The following SRP72 variants were observed in gnomAD, a reference collection of about 807,000 sequenced individuals.
SRP72 encodes signal recognition particle subunit SRP72.
A neutral mutation model predicts 96.3 loss-of-function variants in SRP72; 49 were observed. The observed-to-expected ratio is 0.51, with a 90% CI of 0.40 to 0.65. The LOEUF is 0.65. Ranked by LOEUF, SRP72 falls within the 30% of genes least tolerant of loss-of-function variation. The pLI, the probability that SRP72 is intolerant of heterozygous loss-of-function variation, is 0.00. For missense variants in SRP72, 736 were observed against 793.3 expected (o/e 0.93, Z 0.87); for synonymous variants, 267 against 275.2 (o/e 0.97, Z 0.30).
intron 8 of SRP72, among the ~76,000 whole-genome samples, chr4:56,479,082 C>T (rs564406983): frequency 1.3e-5 from 2 of 152,178 alleles, no homozygotes; most frequent in South Asian, 4.2e-4. Flanking sequence ...TCTTCTCCCC[C>T]ACACCCCATC....
At position 56,502,085 on chromosome 4, in the gene SRP72, AT is replaced by A. The variant is rs769261539; in HGVS notation, c.*226del. The A allele has an allele frequency of 7.8e-6, 4 of 512,730 alleles. No individual in the cohort carries two copies. Among genetic ancestry groups the A allele is most frequent in the Non-Finnish European group, 1.4e-5 (4 of 280,036 alleles). 31.8% of individuals were successfully genotyped at this position (512,730 alleles called of 1,614,324 possible). A position where few individuals can be genotyped will look rare whatever the true frequency, so the allele number is the denominator to read the frequency against. On this transcript the variant is annotated 3_prime_UTR_variant, in exon 19 of 19. Transcript: ENST00000642900. Reference sequence around the variant, plus strand: ...GTACAGATTATGAGGACTGAAAATAATTGGGCATTTACCCATCTTGGTATCT... The same window carrying A: ...GTACAGATTATGAGGACTGAAAATAATGGGCATTTACCCATCTTGGTATCT...
chr4:56,474,499 G>C (rs776246794), intron 5 of SRP72, 108 bp downstream of exon 5: 16 of 931,868 alleles, frequency 1.7e-5, no homozygotes, highest in Non-Finnish European at 2.4e-5. Context: ...GGAAGTTATT[G>C]ATGCAGTGAC....
At chr4:56,481,806 C>T (rs1379870865) in intron 8 of SRP72, among the ~76,000 whole-genome samples, 2 of 139,434 alleles carry the variant, frequency 1.4e-5, no homozygotes, top group African/African-American at 2.7e-5. Context: ...GAGTCTCGCT[C>T]TCTTGCCCAG....
At chr4:56,487,186 AAAT>A (rs760260958) in intron 11 of SRP72, among the ~76,000 whole-genome samples, 58 of 152,276 alleles carry the variant, frequency 3.8e-4, no homozygotes, top group Admixed American at 7.8e-4. Flanking sequence ...CAAAAATCTT[AAAT>A]ATTACAGTGG....
At position 56,495,327 on chromosome 4, in the gene SRP72, G is replaced by T. The variant is rs752158567; in HGVS notation, c.1641-30G>T. 2.1e-6 allele frequency: 3 copies of T among 1,430,672 alleles called. No homozygotes were observed. The African/African-American group carries it at 4.3e-5, about 20-fold the overall frequency. The allele number at this position is 1,430,672 out of a possible 1,614,324, so 88.6% of individuals were successfully genotyped here. The stretch of plus-strand genomic sequence containing the variant: ...TGCTCTATAAATATTTTATCACAAA[G>T]ATGGTAATGATTTTTTTTTCTCTTT... On this transcript the variant is annotated intron_variant, in intron 16 of 18. Transcript: ENST00000642900.
chr4:56,469,935 G>A (rs1470961410), intron 2 of SRP72, among the ~76,000 whole-genome samples, 162 bp downstream of exon 2: 1 of 147,846 alleles, frequency 6.8e-6, no homozygotes, highest in Non-Finnish European at 1.5e-5. Flanking sequence ...GAACTGGAAG[G>A]AATACTAGTA....
At chr4:56,478,543 G>A (rs550705919) in intron 7 of SRP72, 40 bp downstream of exon 7, 19 of 1,612,652 alleles carry the variant, frequency 1.2e-5, no homozygotes, top group Non-Finnish European at 1.5e-5. Flanking sequence ...AGGGGATGGG[G>A]TTCTTTTTAA....
rs1721301326 is a variant in SRP72 at position 56,502,497 on chromosome 4, ATATATATATATAT to A, written c.*637_*649del. 1 of 57,362 alleles carries A rather than the reference ATATATATATATAT, an allele frequency of 1.7e-5. No individual in the cohort carries two copies. The highest frequency in any genetic ancestry group is 8.1e-5 in the African/African-American group (1 of 12,316). The allele number at this position is 57,362 out of a possible 1,614,324, so 3.6% of individuals were successfully genotyped here. A position where few individuals can be genotyped will look rare whatever the true frequency, so the allele number is the denominator to read the frequency against. Reference sequence around the variant, plus strand: ...TATATATATATGTATATATATATACATATATATATATATATAAACATGAAATATATATATATGG... The same window carrying A: ...TATATATATATGTATATATATATACAATAAACATGAAATATATATATATGG... On this transcript the variant is annotated 3_prime_UTR_variant, in exon 19 of 19. Transcript: ENST00000642900.
Position 56,486,153 on chromosome 4 carries a change from A to G in SRP72, c.1087-172A>G, listed in dbSNP as rs17086853. 0.2 allele frequency: 104,621 copies of G among 512,212 alleles called. 11,773 individuals are homozygous for G. Among genetic ancestry groups the G allele is most frequent in the Admixed American group, 0.38 (10,513 of 28,022 alleles). 31.7% of individuals were successfully genotyped at this position (512,212 alleles called of 1,614,324 possible). ...TTACTTTTAGAGCATACCTTTAAGA[A>G]AAAAAGTGAGTGTTGAATAAAAATT... is the stretch of plus-strand genomic sequence containing the variant. On this transcript the variant is annotated intron_variant, in intron 10 of 18. Coordinates refer to ENST00000642900, the MANE Select transcript of SRP72 (RefSeq NM_006947.4).
rs757387984 is a variant in SRP72, at chr4:56,501,661, C to G, written c.1839-23C>G. On this transcript the variant is annotated intron_variant, in intron 18 of 18. Coordinates refer to ENST00000642900, the MANE Select transcript of SRP72 (RefSeq NM_006947.4). ...TTCCTTCGTTGAATATATGAGTGAC[C>G]AAAAATGATCTGATGATTTCAGGGA... is the stretch of plus-strand genomic sequence containing the variant. 7 of 1,606,746 alleles carry G rather than the reference C, an allele frequency of 4.4e-6. No homozygotes were observed. The East Asian group carries it at 1.6e-4, about 36-fold the overall frequency.
intron 17 of SRP72, among the ~76,000 whole-genome samples, chr4:56,499,209 A>C (rs1349592252): frequency 1.3e-5 from 2 of 152,162 alleles, no homozygotes; most frequent in Non-Finnish European, 2.9e-5. Context: ...CCTTCCTTAC[A>C]CCTTATACAA....
chr4:56,487,775 G>A (rs1490265706), intron 11 of SRP72, among the ~76,000 whole-genome samples, 174 bp from the exon 12 acceptor site: 1 of 152,118 alleles, frequency 6.6e-6, no homozygotes, highest in Non-Finnish European at 1.5e-5. Context: ...ATCTCTAAAT[G>A]AACAGAGTTC....
Position 56,497,669 on chromosome 4 carries a change from G to A in SRP72, c.1678+2275G>A, listed in dbSNP as rs367986177. Reference sequence around the variant, plus strand: ...TGCCCTATCCATCTTTAAAAAAAAAGAAAAGGAGTATCACCGAGAATATTC... The same window carrying A: ...TGCCCTATCCATCTTTAAAAAAAAAAAAAAGGAGTATCACCGAGAATATTC... On this transcript the variant is annotated intron_variant, in intron 17 of 18. Coordinates refer to ENST00000642900, the MANE Select transcript of SRP72 (RefSeq NM_006947.4). Among the ~76,000 whole-genome samples, 1,079 of 151,516 alleles carry A rather than the reference G, an allele frequency of 7.1e-3. 19 individuals carry two copies. The highest frequency in any genetic ancestry group is 0.025 in the African/African-American group (1,031 of 41,290).
Position 56,503,312 on chromosome 4 carries a change from T to G in SRP72, c.*1451T>G, listed in dbSNP as rs747828114. ...AATAGTGGCAGGTATTTATTCCTTC[T>G]GAATATATACCCCATTATAGGAATA... On this transcript the variant is annotated 3_prime_UTR_variant, in exon 19 of 19. Transcript: ENST00000642900. 6.6e-5 allele frequency: 10 copies of G among 152,196 alleles called. No homozygotes were observed. The highest frequency in any genetic ancestry group is 1.5e-4 in the Non-Finnish European group (10 of 68,026). The allele number at this position is 152,196 out of a possible 1,614,324, so 9.4% of individuals were successfully genotyped here.
intron 6 of SRP72, 144 bp from the exon 7 acceptor site, chr4:56,478,235 C>A: frequency 1.8e-6 from 1 of 540,582 alleles, no homozygotes; most frequent in Non-Finnish European, 2.8e-6. Context: ...CTCTTGCTGG[C>A]TGTTTCTAAA....
intron 13 of SRP72, 57 bp from the exon 14 acceptor site, chr4:56,490,276 A>G (rs1330425017): frequency 3.0e-6 from 4 of 1,350,700 alleles, no homozygotes; most frequent in South Asian, 2.5e-5. Flanking sequence ...ATATAACTGC[A>G]TGCACTTGCT....
At chr4:56,497,853 AACACTGGGT>A (rs1267697391) in intron 17 of SRP72, among the ~76,000 whole-genome samples, 1 of 152,162 alleles carries the variant, frequency 6.6e-6, no homozygotes, top group African/African-American at 2.4e-5. Context: ...CCATTTCACC[AACACTGGGT>A]ATTACTGCAA....
At position 56,479,210 on chromosome 4, in the gene SRP72, C is replaced by T. The variant is rs145725666; in HGVS notation, c.825+561C>T. On this transcript the variant is annotated intron_variant, in intron 8 of 18. Coordinates refer to ENST00000642900, the MANE Select transcript of SRP72 (RefSeq NM_006947.4). ...TTTTGTTTTTTTTGAGACCGAGTCT[C>T]GCTCTGTCGCCCGGACTGGAGTGCA... Among the ~76,000 whole-genome samples, 29 of 152,136 alleles carry T rather than the reference C, an allele frequency of 1.9e-4. No homozygotes were observed. The East Asian group carries it at 4.1e-3, about 21-fold the overall frequency.
At chr4:56,495,023 C>G (rs1721028156) in intron 16 of SRP72, among the ~76,000 whole-genome samples, 1 of 152,174 alleles carries the variant, frequency 6.6e-6, no homozygotes, top group Non-Finnish European at 1.5e-5. Flanking sequence ...CATAGAGTAA[C>G]TTACCAAGGG....
Sources: gnomAD v4.1 joint callset for allele counts (sites outside exome capture counted in the v4.1 genomes callset) on GRCh38, gnomAD v4.1.1 for gene constraint, MANE v1.5 for transcripts, NCBI Gene and HGNC (gene_info 2026-07-23, HGNC 2026-07-21) for gene names.